TANC2: variants seen among roughly 807,000 people sequenced by gnomAD.
TANC2 encodes tetratricopeptide repeat, ankyrin repeat and coiled-coil containing 2, also known as protein TANC2.
Under a neutral mutation model 210.5 loss-of-function variants are expected in TANC2, and 26 were observed. That is an observed-to-expected ratio of 0.12 (90% CI 0.09 to 0.17). The LOEUF is 0.17. Among genes scored for constraint, TANC2 ranks in the 10% least tolerant of loss-of-function variants. The probability of loss-of-function intolerance (pLI) is 1.00; values close to 1 mark genes in which losing one functional copy is unlikely to be tolerated. For synonymous variants in TANC2, 931 were observed against 967.1 expected (o/e 0.96, Z 0.69); for missense variants, 2,129 against 2,608.9 (o/e 0.82, Z 4.01).
chr17:63,281,689 G>A (rs901399169), intron 9 of TANC2, among the ~76,000 whole-genome samples: 3 of 152,020 alleles, frequency 2.0e-5, no homozygotes, highest in Admixed American at 6.6e-5. Flanking sequence ...ATCTAAGAAC[G>A]TGACCTTTTT....
intron 8 of TANC2, among the ~76,000 whole-genome samples, chr17:63,242,954 C>T (rs1213734833): frequency 6.6e-6 from 1 of 152,126 alleles, no homozygotes; most frequent in Non-Finnish European, 1.5e-5. Context: ...CATAGATTGC[C>T]TCTGTTATAC....
chr17:63,416,969 C>T (rs1568002639), intron 26 of TANC2, among the ~76,000 whole-genome samples: 1 of 152,238 alleles, frequency 6.6e-6, no homozygotes, highest in Non-Finnish European at 1.5e-5. Context: ...TTGCTGCCAA[C>T]CCACTGATCT....
rs146299795 is a variant in TANC2, at chr17:63,232,671, C to T, written c.770-5143C>T. 5.4e-4 allele frequency among the ~76,000 whole-genome samples: 83 copies of T among 152,294 alleles called. 1 individual carries two copies. Among genetic ancestry groups the T allele is most frequent in the African/African-American group, 1.9e-3 (81 of 41,566 alleles). ...CAGAGGGGCACTGACCCGATGTCAG[C>T]GGGAACCCTCCTGTATAAGGTGTCT... is the stretch of plus-strand genomic sequence containing the variant. On this transcript the variant is annotated intron_variant, in intron 7 of 27. Transcript: ENST00000689528.
At chr17:63,190,730 C>T (rs1567800966) in intron 5 of TANC2, among the ~76,000 whole-genome samples, 1 of 151,890 alleles carries the variant, frequency 6.6e-6, no homozygotes, top group Non-Finnish European at 1.5e-5. Context: ...AATGCACCCT[C>T]CCCCCTGCAA....
intron 4 of TANC2, among the ~76,000 whole-genome samples, chr17:63,121,592 C>A (rs1382339177): frequency 1.3e-5 from 2 of 151,982 alleles, no homozygotes; most frequent in Non-Finnish European, 2.9e-5. Context: ...TCTCATATTT[C>A]TTTAAAACTG....
exon 28 of TANC2, chr17:63,423,525 AATC>A (rs918158008): frequency 6.6e-6 from 1 of 152,358 alleles, no homozygotes; most frequent in Admixed American, 6.5e-5. Context: ...TGTTGTTAGG[AATC>A]ATTCTGCTCT....
intron 5 of TANC2, among the ~76,000 whole-genome samples, chr17:63,188,849 A>G (rs1393718778): frequency 6.6e-6 from 1 of 152,146 alleles, no homozygotes; most frequent in African/African-American, 2.4e-5. Flanking sequence ...TAGTATATTT[A>G]CAGACTTGTG....
At chr17:63,188,451 G>T (rs2041069345) in intron 5 of TANC2, among the ~76,000 whole-genome samples, 1 of 151,950 alleles carries the variant, frequency 6.6e-6, no homozygotes. Flanking sequence ...AAATTAGCTG[G>T]GCATGGTGGT....
intron 7 of TANC2, among the ~76,000 whole-genome samples, chr17:63,205,610 A>G (rs1055860347): frequency 6.6e-6 from 1 of 152,162 alleles, no homozygotes; most frequent in Non-Finnish European, 1.5e-5. Flanking sequence ...TGATACTATC[A>G]AGAGAGCAAA....
At chr17:63,277,361 T>G (rs1188069370) in intron 9 of TANC2, among the ~76,000 whole-genome samples, 1 of 151,102 alleles carries the variant, frequency 6.6e-6, no homozygotes, top group African/African-American at 2.4e-5. Context: ...GTCACGGGGG[T>G]TTGTTGTACA....
chr17:63,220,169 C>T (rs1476816169), intron 7 of TANC2, among the ~76,000 whole-genome samples: 1 of 151,304 alleles, frequency 6.6e-6, no homozygotes, highest in African/African-American at 2.4e-5. Flanking sequence ...GTGTCACGTG[C>T]CTGTAATCCC....
chr17:63,340,006 A>G, intron 11 of TANC2, 95 bp from the exon 12 acceptor site: 1 of 868,756 alleles, frequency 1.2e-6, no homozygotes, highest in Non-Finnish European at 1.8e-6. Flanking sequence ...CTGAGATACT[A>G]AGTGATTTCT....
intron 2 of TANC2, among the ~76,000 whole-genome samples, chr17:63,038,646 AT>A (rs1223563870): frequency 6.6e-6 from 1 of 151,918 alleles, no homozygotes; most frequent in African/African-American, 2.4e-5. Context: ...GGGCTTGGAT[AT>A]TTCTTTTTCA....
rs17687275 is a variant in TANC2 at position 63,351,936 on chromosome 17, A to C, written c.1974+520A>C. 8.7e-3 allele frequency among the ~76,000 whole-genome samples: 1,323 copies of C among 152,152 alleles called. 12 individuals are homozygous for C. Among genetic ancestry groups the C allele is most frequent in the Middle Eastern group, 0.031 (9 of 294 alleles). On this transcript the variant is annotated intron_variant, in intron 13 of 27. Transcript: ENST00000689528. ...AGATTAAATTTACTACAACTGAGAG[A>C]GAAGGTTTTTGTTGTTGTTGTTGTT...
chr17:63,047,821 A>T (rs1598310978), intron 2 of TANC2, among the ~76,000 whole-genome samples: 1 of 152,210 alleles, frequency 6.6e-6, no homozygotes, highest in Non-Finnish European at 1.5e-5. Flanking sequence ...AAATTTACTT[A>T]ATGAATTTTA....
chr17:63,025,777 C>G (rs1277057184), intron 2 of TANC2, among the ~76,000 whole-genome samples: 2 of 149,150 alleles, frequency 1.3e-5, no homozygotes, highest in East Asian at 3.9e-4. Flanking sequence ...GCCTGGGTGA[C>G]AGAGTGAGAC....
intron 7 of TANC2, among the ~76,000 whole-genome samples, chr17:63,201,776 C>T (rs186177320): frequency 2.0e-4 from 30 of 151,868 alleles, no homozygotes; most frequent in South Asian, 1.3e-3. Flanking sequence ...TTATTATCTC[C>T]GGTAGACTCT....
intron 7 of TANC2, among the ~76,000 whole-genome samples, chr17:63,214,695 A>T (rs1002868211): frequency 3.3e-5 from 5 of 152,146 alleles, no homozygotes; most frequent in African/African-American, 1.2e-4. Flanking sequence ...GGACCTAATC[A>T]ACCCCCAAAG....
chr17:63,005,901 TG>T (rs1306177622), intron 1 of TANC2, among the ~76,000 whole-genome samples: 5 of 61,782 alleles, frequency 8.1e-5, no homozygotes, highest in Non-Finnish European at 1.7e-4. Context: ...ATAGTTTGTG[TG>T]TGTGTGTGTG....
Sources: gnomAD v4.1 joint callset for allele counts (sites outside exome capture counted in the v4.1 genomes callset) on GRCh38, gnomAD v4.1.1 for gene constraint, MANE v1.5 for transcripts, NCBI Gene and HGNC (gene_info 2026-07-23, HGNC 2026-07-21) for gene names.